CD1D: variants seen among roughly 807,000 people sequenced by gnomAD.
CD1D encodes the protein antigen-presenting glycoprotein CD1d.
CD1D carries 40 observed loss-of-function variants against 42.1 expected under a neutral mutation model. That is an observed-to-expected ratio of 0.95 (90% CI 0.74 to 1.24). CD1D has a LOEUF of 1.24. CD1D is among the 50% of genes most tolerant of loss of function. CD1D has a pLI of 0.00. For missense variants in CD1D, 437 were observed against 416.5 expected (o/e 1.05, Z -0.43); for synonymous variants, 178 against 171.8 (o/e 1.04, Z -0.28).
In CD1D at chr1:158,184,757, T is replaced by C. The variant is rs1161915525; in HGVS notation, c.*607T>C. 1 of 152,338 alleles carries C rather than the reference T, an allele frequency of 6.6e-6. No homozygotes were observed. The highest frequency in any genetic ancestry group is 2.4e-5 in the African/African-American group (1 of 41,452). 9.4% of individuals were successfully genotyped at this position (152,338 alleles called of 1,614,324 possible). A position where few individuals can be genotyped will look rare whatever the true frequency, so the allele number is the denominator to read the frequency against. ...TTTGCCCTGGATGTCATATTGGCAG[T>C]TGGAGGACACAGTTTCTATTGTAAA... is the stretch of plus-strand genomic sequence containing the variant. On this transcript the variant is annotated 3_prime_UTR_variant, in exon 6 of 6. Coordinates refer to ENST00000674085, the MANE Select transcript of CD1D (RefSeq NM_001371762.2).
chr1:158,179,285 A>G (rs1227599878), upstream of CD1D, among the ~76,000 whole-genome samples: 1 of 152,216 alleles, frequency 6.6e-6, no homozygotes, highest in Admixed American at 6.5e-5. Flanking sequence ...AGAACACGTT[A>G]CTATGTTATT....
At chr1:158,183,761 C>T (rs748258634) in intron 4 of CD1D, among the ~76,000 whole-genome samples, 175 bp from the exon 5 acceptor site, 7 of 152,100 alleles carry the variant, frequency 4.6e-5, no homozygotes, top group Non-Finnish European at 1.0e-4. Context: ...TTTGGGATGC[C>T]CAGGCACTGA....
At chr1:158,183,196 T>A (rs752934980) in intron 4 of CD1D, 40 bp downstream of exon 4, 5 of 1,567,036 alleles carry the variant, frequency 3.2e-6, no homozygotes, top group Admixed American at 1.7e-5. Context: ...TGGCAGGAGG[T>A]GGTCCTCAGG....
chr1:158,181,600 G>T lies in CD1D; in HGVS notation c.207G>T (p.Lys69Asn), dbSNP rs1438843876. Reference sequence around the variant, plus strand: ...ACTCGGACACCGTCCGCTCTCTGAAGCCTTGGTCCCAGGGCACGTTCAGCG... The same window carrying T: ...ACTCGGACACCGTCCGCTCTCTGAATCCTTGGTCCCAGGGCACGTTCAGCG... ...SNDSDTVRSL[K>N]PWSQGTFSDQ... Residue 69 changes from lysine to asparagine, a missense_variant, in exon 2 of 6, where the codon AAG (lysine) becomes AAT (asparagine). By Grantham distance (94) the Lys-to-Asn change is moderately conservative. Coordinates refer to ENST00000674085, the MANE Select transcript of CD1D (RefSeq NM_001371762.2). 1 of 1,614,166 alleles carries T rather than the reference G, an allele frequency of 6.2e-7. No homozygotes were observed. The highest frequency in any genetic ancestry group is 8.5e-7 in the Non-Finnish European group (1 of 1,180,040).
upstream of CD1D, among the ~76,000 whole-genome samples, chr1:158,178,733 C>T (rs919372183): frequency 3.9e-5 from 6 of 152,098 alleles, no homozygotes; most frequent in Middle Eastern, 3.2e-3. Flanking sequence ...TAGTACCCAC[C>T]GTGGGCTTAT....
rs1354699291 is a variant in CD1D, at chr1:158,181,121, T to C, written c.20T>C (p.Leu7Pro). The change falls in exon 1 of 6, where the codon CTG becomes CCG. Residue 7 changes from leucine to proline, a missense_variant. Physicochemically the swap from Leu to Pro is moderately conservative, Grantham distance 98 (BLOSUM62 -3). Coordinates refer to ENST00000674085, the MANE Select transcript of CD1D (RefSeq NM_001371762.2). Reference sequence around the variant, plus strand: ...GGCGATATGGGGTGCCTGCTGTTTCTGCTGCTCTGGGCGCTCCTCCAGGCT... The same window carrying C: ...GGCGATATGGGGTGCCTGCTGTTTCCGCTGCTCTGGGCGCTCCTCCAGGCT... MGCLLF[L>P]LLWALLQAWG... 6.5e-7 allele frequency: 1 copy of C among 1,548,432 alleles called. No homozygotes were observed. Among genetic ancestry groups the C allele is most frequent in the East Asian group, 2.4e-5 (1 of 40,848 alleles).
chr1:158,181,686 A>G lies in CD1D; in HGVS notation c.293A>G (p.Asp98Gly), dbSNP rs1488479163. Reference sequence around the variant, plus strand: ...GTTTATCGAAGCAGCTTCACCAGGGACGTGAAGGAATTCGCCAAAATGCTA... The same window carrying G: ...GTTTATCGAAGCAGCTTCACCAGGGGCGTGAAGGAATTCGCCAAAATGCTA... ...FRVYRSSFTRDVKEFAKMLRL... is the reference protein window; with the variant it reads ...FRVYRSSFTRGVKEFAKMLRL... The change falls in exon 2 of 6, where the codon GAC (aspartate) becomes GGC (glycine). Residue 98 changes from aspartate to glycine, a missense_variant. Transcript: ENST00000674085. The G allele has an allele frequency of 6.2e-7, 1 of 1,612,498 alleles. No homozygotes were observed. Among genetic ancestry groups the G allele is most frequent in the Non-Finnish European group, 8.5e-7 (1 of 1,180,020 alleles).
intron 3 of CD1D, among the ~76,000 whole-genome samples, 196 bp from the exon 4 acceptor site, chr1:158,182,682 G>A (rs545566232): frequency 6.6e-6 from 1 of 152,288 alleles, no homozygotes; most frequent in East Asian, 1.9e-4. Context: ...AGGAGTATCA[G>A]GGCAGGCTCC....
At chr1:158,181,270 C>A in intron 1 of CD1D, 108 bp downstream of exon 1, 1 of 1,438,548 alleles carries the variant, frequency 7.0e-7, no homozygotes, top group Non-Finnish European at 9.5e-7. Context: ...ACCCGGGACG[C>A]ACTGGCGCGA....
chr1:158,182,857 C>G (rs1648512218), intron 3 of CD1D, 21 bp from the exon 4 acceptor site: 1 of 1,581,980 alleles, frequency 6.3e-7, no homozygotes, highest in African/African-American at 1.3e-5. Context: ...AAGATCCCCC[C>G]CATTCCCTTG....
rs1026473859 is a variant in CD1D, at chr1:158,181,834, C to T, written c.328+113C>T. Reference sequence around the variant, plus strand: ...TGAGATTCTCTGCTCTGTCCACCCTCTTCTGATTTCCCTTCTACCTGGAGA... The same window carrying T: ...TGAGATTCTCTGCTCTGTCCACCCTTTTCTGATTTCCCTTCTACCTGGAGA... On this transcript the variant is annotated intron_variant, in intron 2 of 5. Coordinates refer to ENST00000674085, the MANE Select transcript of CD1D (RefSeq NM_001371762.2). 12 of 1,428,008 alleles carry T rather than the reference C, an allele frequency of 8.4e-6. No homozygotes were observed. In the East Asian group the frequency reaches 2.8e-4, roughly 33 times the overall value. The allele number at this position is 1,428,008 out of a possible 1,614,324, so 88.5% of individuals were successfully genotyped here. A position where few individuals can be genotyped will look rare whatever the true frequency, so the allele number is the denominator to read the frequency against.
chr1:158,180,689 C>G (rs1450631548), upstream of CD1D: 1 of 180,060 alleles, frequency 5.6e-6, no homozygotes, highest in African/African-American at 2.3e-5. Flanking sequence ...GGACTTTGAT[C>G]CTTTTTTCCC....
chr1:158,182,170 C>G lies in CD1D; in HGVS notation c.467C>G (p.Pro156Arg). ...TCTTGGGAGCCAACCCAAGAGGCCC[C>G]ACTTTGGGTAAACTTGGCCATTCAA... ...GTSWEPTQEA[P>R]LWVNLAIQVL... Residue 156 changes from proline (P) to arginine (R), a missense_variant, in exon 3 of 6, where the codon CCA becomes CGA. By Grantham distance (103) the Pro-to-Arg change is moderately radical. Coordinates refer to ENST00000674085, the MANE Select transcript of CD1D (RefSeq NM_001371762.2). 6.2e-7 allele frequency: 1 copy of G among 1,614,186 alleles called. No homozygotes were observed. The highest frequency in any genetic ancestry group is 1.1e-5 in the South Asian group (1 of 91,082).
rs575585006 is a variant in CD1D at position 158,183,247 on chromosome 1, C to A, written c.886+91C>A. The A allele has an allele frequency of 1.3e-4, 196 of 1,464,442 alleles. 1 individual carries two copies. The highest frequency in any genetic ancestry group is 1.7e-4 in the Non-Finnish European group (189 of 1,093,124). The allele number at this position is 1,464,442 out of a possible 1,614,324, so 90.7% of individuals were successfully genotyped here. A position where few individuals can be genotyped will look rare whatever the true frequency, so the allele number is the denominator to read the frequency against. On this transcript the variant is annotated intron_variant, in intron 4 of 5. Transcript: ENST00000674085. ...TGGGGTGGGATGTGGCTTGATATACCCAGGTTAGAGGAGTTTCAGAGATGA... is the reference window on the plus strand; with the variant it reads ...TGGGGTGGGATGTGGCTTGATATACACAGGTTAGAGGAGTTTCAGAGATGA...
intron 3 of CD1D, 21 bp from the exon 4 acceptor site, chr1:158,182,857 C>A: frequency 1.3e-6 from 2 of 1,582,100 alleles, no homozygotes; most frequent in Non-Finnish European, 8.6e-7. Context: ...AAGATCCCCC[C>A]CATTCCCTTG....
Position 158,183,010 on chromosome 1 carries a change from G to C in CD1D, c.740G>C (p.Gly247Ala), listed in dbSNP as rs773245435. 6.2e-7 allele frequency: 1 copy of C among 1,614,086 alleles called. No homozygotes were observed. The highest frequency in any genetic ancestry group is 8.5e-7 in the Non-Finnish European group (1 of 1,179,928). ...KWMRGEQEQQ[G>A]TQPGDILPNA... ...ATGCGGGGTGAGCAGGAGCAGCAGG[G>C]CACTCAGCCAGGGGACATCCTGCCC... Residue 247 changes from glycine (G) to alanine (A), a missense_variant, in exon 4 of 6, where the codon GGC becomes GCC. Coordinates refer to ENST00000674085, the MANE Select transcript of CD1D (RefSeq NM_001371762.2).
At position 158,184,176 on chromosome 1, in the gene CD1D, G is replaced by A. The variant is rs375495581; in HGVS notation, c.*26G>A. On this transcript the variant is annotated 3_prime_UTR_variant, in exon 6 of 6. Coordinates refer to ENST00000674085, the MANE Select transcript of CD1D (RefSeq NM_001371762.2). ...CTCGCCTTGCCACATCTGTGTCTCT[G>A]GAACCCAGGACCTCTGGACCTCAGG... 17 of 1,613,524 alleles carry A rather than the reference G, an allele frequency of 1.1e-5. No homozygotes were observed. The highest frequency in any genetic ancestry group is 1.4e-5 in the Non-Finnish European group (17 of 1,179,644).
At chr1:158,182,383 A>C in intron 3 of CD1D, 73 bp downstream of exon 3, 577 of 1,541,144 alleles carry the variant, frequency 3.7e-4, no homozygotes, top group Non-Finnish European at 4.6e-4. Context: ...CAGGGTTCTC[A>C]TCCCTTTGAG....
intron 3 of CD1D, 77 bp downstream of exon 3, chr1:158,182,387 C>G: frequency 6.5e-7 from 1 of 1,530,032 alleles, no homozygotes; most frequent in Non-Finnish European, 9.1e-7. Flanking sequence ...GTTCTCATCC[C>G]TTTGAGCATT....
Sources: gnomAD v4.1 joint callset for allele counts (sites outside exome capture counted in the v4.1 genomes callset) on GRCh38, gnomAD v4.1.1 for gene constraint, MANE v1.5 for transcripts, NCBI Gene and HGNC (gene_info 2026-07-23, HGNC 2026-07-21) for gene names.